The following HYOU1 variants were observed in gnomAD, a reference collection of about 807,000 sequenced individuals.
HYOU1 encodes hypoxia up-regulated protein 1.
A neutral mutation model predicts 120.5 loss-of-function variants in HYOU1; 40 were observed. The ratio of observed to expected loss-of-function variants is 0.33; its 90% CI spans 0.26 to 0.43. The LOEUF (loss-of-function observed/expected upper bound fraction) is 0.43. Ranked by LOEUF, HYOU1 falls within the 20% of genes least tolerant of loss-of-function variation. HYOU1 has a pLI of 1.00. For synonymous variants in HYOU1, 501 were observed against 479.4 expected (o/e 1.05, Z -0.59); for missense variants, 1,085 against 1,278.3 (o/e 0.85, Z 2.31).
chr11:119,048,722 C>T lies in HYOU1; in HGVS notation c.2157G>A (p.Ser719=), dbSNP rs2133566713. Residue 719 remains serine, a synonymous_variant, in exon 18 of 26, where the codon TCG becomes TCA. Transcript: ENST00000617285. The surrounding 1 kb of genome is among the most constrained non-coding windows in gnomAD (Gnocchi z 4.7). ...PDLPEDKLAQ[S]VQKLQDLTLR... ...CAGCTGTCCTCACTTACTTCTGCAC[C>T]GACTGAGCCAGCTTATCCTCTGGCA... 2.5e-5 allele frequency: 40 copies of T among 1,610,184 alleles called. No homozygotes were observed. The highest frequency in any genetic ancestry group is 5.0e-5 in the Admixed American group (3 of 59,574).
chr11:119,045,825 T>G lies in HYOU1; in HGVS notation c.2894A>C (p.Glu965Ala), dbSNP rs1003994885. The change falls in exon 25 of 26, where the codon GAG (glutamate) becomes GCG (alanine). Residue 965 changes from glutamate (E) to alanine (A), a missense_variant. Glu to Ala is a moderately radical substitution (Grantham distance 107). Around this residue, in one of 4 missense-constraint regions of HYOU1, gnomAD observed 516 missense variants for 517.1 expected, o/e 1.00. Transcript: ENST00000617285. Reference protein sequence around the residue: ...SEPEKVETGSEPGDTEPLELG... With the variant: ...SEPEKVETGSAPGDTEPLELG... ...CTCCAAAGGCTCAGTGTCTCCTGGC[T>G]CGGATCCTGCTTTGGGAAGAAACAG... 2.5e-6 allele frequency: 4 copies of G among 1,612,630 alleles called. No homozygotes were observed. The African/African-American group carries it at 5.4e-5, about 22-fold the overall frequency.
intron 6 of HYOU1, 134 bp from the exon 7 acceptor site, chr11:119,054,809 C>A: frequency 9.0e-7 from 1 of 1,108,022 alleles, no homozygotes; most frequent in African/African-American, 1.6e-5. Context: ...GGATGTTGAG[C>A]AGCATCCCCG....
At chr11:119,047,911 T>G in intron 21 of HYOU1, 36 bp downstream of exon 21, 2 of 1,613,902 alleles carry the variant, frequency 1.2e-6, no homozygotes, top group Non-Finnish European at 1.7e-6. Flanking sequence ...CCAGTGGCCT[T>G]GGCAGGACTG....
At position 119,045,530 on chromosome 11, in the gene HYOU1, G is replaced by A; in HGVS notation, c.*63C>T. 7.1e-7 allele frequency: 1 copy of A among 1,404,852 alleles called. No homozygotes were observed. Among genetic ancestry groups the A allele is most frequent in the East Asian group, 2.3e-5 (1 of 43,972 alleles). The allele number at this position is 1,404,852 out of a possible 1,614,324, so 87.0% of individuals were successfully genotyped here. A position where few individuals can be genotyped will look rare whatever the true frequency, so the allele number is the denominator to read the frequency against. On this transcript the variant is annotated 3_prime_UTR_variant, in exon 26 of 26. Coordinates refer to ENST00000617285, the MANE Select transcript of HYOU1 (RefSeq NM_006389.5). ...ACCAACCCCTCCCCCAACCCTCGAT[G>A]TTAAATAAATAGAAGTGGTGGGGGA...
intron 14 of HYOU1, 50 bp downstream of exon 14, chr11:119,050,985 G>A (rs1181446822): frequency 1.3e-6 from 2 of 1,595,892 alleles, no homozygotes; most frequent in African/African-American, 2.7e-5. Flanking sequence ...GGAAATGGCT[G>A]GCAGGGCCTG....
In HYOU1 at chr11:119,051,641, A is replaced by G. The variant is rs2133586679; in HGVS notation, c.1339-16T>C. The G allele has an allele frequency of 2.5e-6, 4 of 1,613,918 alleles. No individual in the cohort carries two copies. The highest frequency in any genetic ancestry group is 1.3e-5 in the African/African-American group (1 of 75,048). On this transcript the variant is annotated splice_polypyrimidine_tract_variant and intron_variant, in intron 12 of 25. Transcript: ENST00000617285. The surrounding 1 kb of genome is among the most constrained non-coding windows in gnomAD (Gnocchi z 4.2). ...TGAACTCCACCTACACAGCAGGCAG[A>G]CAGAGGCACACTGTTGCACACTAGA... is the stretch of plus-strand genomic sequence containing the variant.
At chr11:119,046,379 C>T in intron 24 of HYOU1, 38 bp downstream of exon 24, 1 of 1,608,580 alleles carries the variant, frequency 6.2e-7, no homozygotes, top group Non-Finnish European at 8.5e-7. Flanking sequence ...TGGGCTAATG[C>T]AACATCCACG....
rs2133585684 is a variant in HYOU1, at chr11:119,051,535, G to C, written c.1429C>G (p.Pro477Ala). The C allele has an allele frequency of 4.3e-6, 7 of 1,614,112 alleles. No homozygotes were observed. The highest frequency in any genetic ancestry group is 5.9e-6 in the Non-Finnish European group (7 of 1,180,014). The change falls in exon 13 of 26, where the codon CCT (proline) becomes GCT (alanine). Residue 477 changes from proline to alanine, a missense_variant. Coordinates refer to ENST00000617285, the MANE Select transcript of HYOU1 (RefSeq NM_006389.5). This position sits in a 1 kb window ranked among gnomAD's most constrained non-coding sequence, Gnocchi z 4.2. ...TTAAAGGTGATGACTTTGCGTTGAG[G>C]GTAGGGCCCCATCCGAGAGAAGAGT... ...RVLFSRMGPY[P>A]QRKVITFNRY...
chr11:119,055,088 A>T lies in HYOU1; in HGVS notation c.420-28T>A. The T allele has an allele frequency of 6.2e-7, 1 of 1,613,898 alleles. No individual in the cohort carries two copies. Among genetic ancestry groups the T allele is most frequent in the Non-Finnish European group, 8.5e-7 (1 of 1,179,792 alleles). On this transcript the variant is annotated intron_variant, in intron 5 of 25. Transcript: ENST00000617285. The surrounding 1 kb of genome is among the most constrained non-coding windows in gnomAD (Gnocchi z 4.0). ...GAGGGGAAGGAAGGTAGTTGGAGCC[A>T]AGGAAAGCCAGGCATTAAGGCAGGA...
At chr11:119,050,763 G>A (rs1276832270) in intron 14 of HYOU1, among the ~76,000 whole-genome samples, 1 of 131,980 alleles carries the variant, frequency 7.6e-6, no homozygotes, top group Non-Finnish European at 1.6e-5. Context: ...AAAAAGAGTG[G>A]ATTCTTCAAA....
rs1943950094 is a variant in HYOU1, at chr11:119,044,312, G to A, written c.*1281C>T. 1 of 151,702 alleles carries A rather than the reference G, an allele frequency of 6.6e-6. No individual in the cohort carries two copies. 9.4% of individuals were successfully genotyped at this position (151,702 alleles called of 1,614,324 possible). On this transcript the variant is annotated 3_prime_UTR_variant, in exon 26 of 26. Transcript: ENST00000617285. ...AGAATTCAAACATACAGAAGAGGTG[G>A]GGGTGGGGTGAGGGGTGGGACCCTT...
In HYOU1 at chr11:119,048,433, G is replaced by A. The variant is rs2133564012; in HGVS notation, c.2253+43C>T. On this transcript the variant is annotated intron_variant, in intron 19 of 25. Transcript: ENST00000617285. The surrounding 1 kb of genome is among the most constrained non-coding windows in gnomAD (Gnocchi z 4.7). Reference sequence around the variant, plus strand: ...CCCAGAGGCAAGGCCCACAGAGCCAGGTGTAAGCCCAGTGGGGGGGCTGCT... The same window carrying A: ...CCCAGAGGCAAGGCCCACAGAGCCAAGTGTAAGCCCAGTGGGGGGGCTGCT... The A allele has an allele frequency of 6.2e-7, 1 of 1,612,802 alleles. No homozygotes were observed. Among genetic ancestry groups the A allele is most frequent in the African/African-American group, 1.3e-5 (1 of 75,050 alleles).
rs2133564346 is a variant in HYOU1 at position 119,048,449 on chromosome 11, G to T, written c.2253+27C>A. 7.4e-6 allele frequency: 12 copies of T among 1,613,192 alleles called. No homozygotes were observed. The highest frequency in any genetic ancestry group is 1.7e-5 in the Admixed American group (1 of 59,994). ...ACAGAGCCAGGTGTAAGCCCAGTGG[G>T]GGGGCTGCTGCCTCCTGCCCACTGA... On this transcript the variant is annotated intron_variant, in intron 19 of 25. Coordinates refer to ENST00000617285, the MANE Select transcript of HYOU1 (RefSeq NM_006389.5). The surrounding 1 kb of genome is among the most constrained non-coding windows in gnomAD (Gnocchi z 4.7).
In HYOU1 at chr11:119,051,611, C is replaced by G. The variant is rs2133586274; in HGVS notation, c.1353G>C (p.Arg451Ser). The G allele has an allele frequency of 1.2e-6, 2 of 1,614,096 alleles. No homozygotes were observed. Among genetic ancestry groups the G allele is most frequent in the Non-Finnish European group, 1.7e-6 (2 of 1,180,006 alleles). The change falls in exon 13 of 26, where the codon AGG (arginine) becomes AGC (serine). Residue 451 changes from arginine (R) to serine (S), a missense_variant. Around this residue, in one of 4 missense-constraint regions of HYOU1, gnomAD observed 515 missense variants for 677.8 expected, o/e 0.76. Coordinates refer to ENST00000617285, the MANE Select transcript of HYOU1 (RefSeq NM_006389.5). The surrounding 1 kb of genome is among the most constrained non-coding windows in gnomAD (Gnocchi z 4.2). ...VVYPILVEFTREVEEEPGIHS... is the reference protein window; with the variant it reads ...VVYPILVEFTSEVEEEPGIHS... ...GAATCCCAGGCTCCTCCTCCACCTC[C>G]CTCGTGAACTCCACCTACACAGCAG...
chr11:119,053,187 G>T (rs1309625921), intron 8 of HYOU1: 2 of 218,654 alleles, frequency 9.1e-6, no homozygotes, highest in Non-Finnish European at 1.8e-5. Context: ...AAGGTGAGGG[G>T]ACAATGCCTG....
At chr11:119,056,243 G>C in intron 1 of HYOU1, 76 bp from the exon 2 acceptor site, 1 of 1,032,516 alleles carries the variant, frequency 9.7e-7, no homozygotes, top group East Asian at 2.5e-5. Flanking sequence ...TCCCAGAACG[G>C]AGAGGCTGTA....
chr11:119,053,742 T>C (rs2133601048), intron 8 of HYOU1: 1 of 162,276 alleles, frequency 6.2e-6, no homozygotes, highest in South Asian at 1.8e-4. Flanking sequence ...GTTCTCAGGA[T>C]CTCCTGAGGG....
intron 6 of HYOU1, 108 bp downstream of exon 6, chr11:119,054,850 CTCAGATGTGACAACCAAAATCTATCT>C: frequency 9.1e-7 from 1 of 1,097,738 alleles, no homozygotes. Flanking sequence ...AGGTGCACCC[CTCAGATGTGACAACCAAAATCTATCT>C]TCAGATGTTG....
At chr11:119,054,725 G>A (rs2133607767) in intron 6 of HYOU1, 50 bp from the exon 7 acceptor site, 13 of 1,564,794 alleles carry the variant, frequency 8.3e-6, no homozygotes, top group South Asian at 3.4e-5. Flanking sequence ...CCTTAGATGA[G>A]GGCTTCTAAT....
Sources: allele counts gnomAD v4.1 joint callset (sites outside exome capture counted in the v4.1 genomes callset), GRCh38; gene constraint gnomAD v4.1.1; regional missense constraint gnomAD v4.1.1; non-coding constraint Gnocchi (gnomAD v3.1); transcripts MANE v1.5; gene names NCBI Gene and HGNC (gene_info 2026-07-23, HGNC 2026-07-21).